Variants in ITGB3 observed in about 807,000 individuals in gnomAD.
ITGB3 encodes the protein integrin subunit beta 3, also known as integrin beta-3.
In ITGB3, 48 loss-of-function variants were observed where a neutral mutation model predicts 85.8. That is an observed-to-expected ratio of 0.56 (90% CI 0.44 to 0.71). The LOEUF is 0.71. ITGB3 is among the 30% of genes least tolerant of loss of function. The probability of loss-of-function intolerance (pLI) is 0.00; values close to 1 mark genes in which losing one functional copy is unlikely to be tolerated. For synonymous variants in ITGB3, 363 were observed against 395.6 expected, an observed-to-expected ratio of 0.92 and a Z score of 0.98; for missense variants, 861 against 1,019.1, an observed-to-expected ratio of 0.84 and a Z score of 2.11.
intron 1 of ITGB3, among the ~76,000 whole-genome samples, chr17:47,271,694 C>T (rs2065044551): frequency 1.3e-5 from 2 of 152,216 alleles, no homozygotes; most frequent in Admixed American, 6.5e-5. Flanking sequence ...TTAGCCAGTT[C>T]TAGCAGCTAT....
chr17:47,297,327 T>A (rs2065149429), intron 10 of ITGB3, among the ~76,000 whole-genome samples: 1 of 152,070 alleles, frequency 6.6e-6, no homozygotes, highest in African/African-American at 2.4e-5. Context: ...CAAAGGGTTG[T>A]TATAACAAAT....
chr17:47,277,061 C>T (rs1173577436), intron 2 of ITGB3, among the ~76,000 whole-genome samples: 1 of 152,060 alleles, frequency 6.6e-6, no homozygotes, highest in Non-Finnish European at 1.5e-5. Flanking sequence ...AAACAGCCAA[C>T]GTGGATGAGC....
chr17:47,290,363 CAGTCTACCACACGGT>C, intron 8 of ITGB3, 89 bp downstream of exon 8: 2 of 1,076,562 alleles, frequency 1.9e-6, no homozygotes, highest in Admixed American at 3.4e-5. Flanking sequence ...TCCCAGTTGC[CAGTCTACCACACGGT>C]CTTACTGCCT....
chr17:47,283,165 C>T (rs2065089784), intron 2 of ITGB3, among the ~76,000 whole-genome samples, 189 bp from the exon 3 acceptor site: 1 of 152,034 alleles, frequency 6.6e-6, no homozygotes, highest in South Asian at 2.1e-4. Flanking sequence ...CCTTGGCCTC[C>T]CAAAGTATCA....
rs1318271023 is a variant in ITGB3, at chr17:47,287,065, A to G, written c.778-5A>G. 6.2e-7 allele frequency: 1 copy of G among 1,613,686 alleles called. No individual in the cohort carries two copies. The highest frequency in any genetic ancestry group is 8.5e-7 in the Non-Finnish European group (1 of 1,179,882). Reference sequence around the variant, plus strand: ...CTGCCTTTGTTTTTTGTTTTCTTTTAACAGGAAAAGATTGGCTGGAGGAAT... The same window carrying G: ...CTGCCTTTGTTTTTTGTTTTCTTTTGACAGGAAAAGATTGGCTGGAGGAAT... On this transcript the variant is annotated splice_polypyrimidine_tract_variant and splice_region_variant and intron_variant, in intron 5 of 14. Coordinates refer to ENST00000559488, the MANE Select transcript of ITGB3 (RefSeq NM_000212.3).
chr17:47,271,584 T>C (rs1379498318), intron 1 of ITGB3, among the ~76,000 whole-genome samples: 3 of 152,200 alleles, frequency 2.0e-5, no homozygotes, highest in East Asian at 1.9e-4. Context: ...ACAGAAATCA[T>C]TGGTATTGTT....
intron 5 of ITGB3, 62 bp downstream of exon 5, chr17:47,286,484 T>C: frequency 2.3e-5 from 36 of 1,590,600 alleles, no homozygotes; most frequent in Non-Finnish European, 3.0e-5. Context: ...GGAAAGGAAG[T>C]GACTGAACTC....
rs2292865 is a variant in ITGB3, at chr17:47,287,356, C to T, written c.939+125C>T. 0.38 allele frequency: 397,039 copies of T among 1,037,692 alleles called. 76,909 individuals are homozygous for T. The highest frequency in any genetic ancestry group is 0.56 in the East Asian group (22,573 of 40,214). 64.3% of individuals were successfully genotyped at this position (1,037,692 alleles called of 1,614,324 possible). ...TCTGGGCAGGGTGCAGGGCTCGGTT[C>T]CAGCTTGCCCCTATCCCTTACCAAC... On this transcript the variant is annotated intron_variant, in intron 6 of 14. Transcript: ENST00000559488.
chr17:47,287,297 A>T lies in ITGB3; in HGVS notation c.939+66A>T, dbSNP rs370345628. 67 of 1,578,878 alleles carry T rather than the reference A, an allele frequency of 4.2e-5. No homozygotes were observed. The East Asian group carries it at 1.1e-3, about 26-fold the overall frequency. On this transcript the variant is annotated intron_variant, in intron 6 of 14. Coordinates refer to ENST00000559488, the MANE Select transcript of ITGB3 (RefSeq NM_000212.3). ...GTGAGGGTTGCCCTAATCTAGGCAGAGTCTGTGTGAATATGAAAATGGCAG... is the reference window on the plus strand; with the variant it reads ...GTGAGGGTTGCCCTAATCTAGGCAGTGTCTGTGTGAATATGAAAATGGCAG...
In ITGB3 at chr17:47,299,218, T is replaced by C. The variant is rs1255462613; in HGVS notation, c.1691-90T>C. The C allele has an allele frequency of 8.2e-6, 10 of 1,224,298 alleles. No homozygotes were observed. The East Asian group carries it at 2.3e-4, about 29-fold the overall frequency. The allele number at this position is 1,224,298 out of a possible 1,614,324, so 75.8% of individuals were successfully genotyped here. On this transcript the variant is annotated intron_variant, in intron 10 of 14. Coordinates refer to ENST00000559488, the MANE Select transcript of ITGB3 (RefSeq NM_000212.3). This position sits in a 1 kb window ranked among gnomAD's most constrained non-coding sequence, Gnocchi z 5.1. ...ACCTGGAGGATCATTATCTGTGTGG[T>C]TGGGAGAGCAGGATGGTCGTGTGTA...
At chr17:47,271,941 GACGGGGTTTC>G (rs11278232) in intron 1 of ITGB3, among the ~76,000 whole-genome samples, 43,200 of 151,640 alleles carry the variant, frequency 0.28, 6,437 homozygotes, top group African/African-American at 0.34. Flanking sequence ...TTTTAATAGA[GACGGGGTTTC>G]ACCATGTTGG....
At chr17:47,298,371 C>A (rs2065153594) in intron 10 of ITGB3, among the ~76,000 whole-genome samples, 1 of 152,150 alleles carries the variant, frequency 6.6e-6, no homozygotes, top group Non-Finnish European at 1.5e-5. Context: ...TGGCCCTCGG[C>A]AGTCTGGGAG....
Position 47,290,274 on chromosome 17 carries a change from G to C in ITGB3, c.1125G>C (p.Gly375=). Residue 375 remains glycine, a splice_region_variant and synonymous_variant, in exon 8 of 15, where the codon GGG becomes GGC. Coordinates refer to ENST00000559488, the MANE Select transcript of ITGB3 (RefSeq NM_000212.3). ...NVLQLIVDAY[G]KIRSKVELEV... is the part of the protein sequence containing the mutation. ...TCCAGCTCATTGTTGATGCTTATGG[G>C]GTAAGTGTCTTGTGCTGGGAATAGT... The C allele has an allele frequency of 6.2e-7, 1 of 1,612,724 alleles. No homozygotes were observed. The highest frequency in any genetic ancestry group is 8.5e-7 in the Non-Finnish European group (1 of 1,178,882).
rs1225892446 is a variant in ITGB3, at chr17:47,310,218, T to TCCTCAGATCATTATCAGC, written c.*16_*33dup. 1.2e-6 allele frequency: 2 copies of TCCTCAGATCATTATCAGC among 1,609,582 alleles called. No homozygotes were observed. Among genetic ancestry groups the TCCTCAGATCATTATCAGC allele is most frequent in the South Asian group, 2.2e-5 (2 of 90,968 alleles). ...CGGGGCACTTAATGATAAGCAGTCA[T>TCCTCAGATCATTATCAGC]CCTCAGATCATTATCAGCCTGTGCC... On this transcript the variant is annotated 3_prime_UTR_variant, in exon 15 of 15. Transcript: ENST00000559488.
At chr17:47,284,295 TA>T in intron 3 of ITGB3, 147 bp from the exon 4 acceptor site, 1 of 839,700 alleles carries the variant, frequency 1.2e-6, no homozygotes, top group Non-Finnish European at 1.9e-6. Flanking sequence ...ATTAGAAGAG[TA>T]ATAGAATTGC....
intron 1 of ITGB3, among the ~76,000 whole-genome samples, chr17:47,272,796 TG>T (rs1483143293): frequency 6.6e-6 from 1 of 151,406 alleles, no homozygotes; most frequent in East Asian, 1.9e-4. Context: ...TTTTCTGAGA[TG>T]GAGTCTCACT....
At chr17:47,291,517 G>T (rs762216713) in intron 9 of ITGB3, 2 of 307,050 alleles carry the variant, frequency 6.5e-6, no homozygotes, top group Non-Finnish European at 1.2e-5. Flanking sequence ...TTCCTTATTG[G>T]TCGTTTCTCC....
chr17:47,262,165 A>G (rs1309206504), intron 1 of ITGB3, among the ~76,000 whole-genome samples: 1 of 152,152 alleles, frequency 6.6e-6, no homozygotes, highest in African/African-American at 2.4e-5. Flanking sequence ...AAACGGTTGA[A>G]CCAGTTTGCT....
intron 14 of ITGB3, among the ~76,000 whole-genome samples, chr17:47,309,302 C>G (rs1598704004): frequency 3.3e-5 from 5 of 152,046 alleles, no homozygotes. Context: ...ATCTTCCTAC[C>G]TTGGCCCCTA....
Sources: gnomAD v4.1 joint callset for allele counts (sites outside exome capture counted in the v4.1 genomes callset) on GRCh38, gnomAD v4.1.1 for gene constraint, Gnocchi (gnomAD v3.1) non-coding constraint, MANE v1.5 for transcripts, NCBI Gene and HGNC (gene_info 2026-07-23, HGNC 2026-07-21) for gene names.